Variants in DLG2 observed in about 807,000 individuals in gnomAD.
The protein encoded by DLG2 is discs large MAGUK scaffold protein 2, also known as disks large homolog 2.
DLG2 carries 45 observed loss-of-function variants against 132.5 expected under a neutral mutation model. The ratio of observed to expected loss-of-function variants is 0.34; its 90% CI spans 0.27 to 0.44. DLG2 has a LOEUF of 0.44. Ranked by LOEUF, DLG2 falls within the 20% of genes least tolerant of loss-of-function variation. DLG2 has a pLI of 1.00. For missense variants in DLG2, 1,045 were observed against 1,196.9 expected (o/e 0.87, Z 1.87); for synonymous variants, 424 against 419.6 (o/e 1.01, Z -0.13).
At chr11:85,393,560 C>T (rs953305467) in intron 3 of DLG2, among the ~76,000 whole-genome samples, 1 of 151,528 alleles carries the variant, frequency 6.6e-6, no homozygotes, top group Non-Finnish European at 1.5e-5. Context: ...AAAAATGGAC[C>T]AGCCCAAATG....
At chr11:84,392,327 C>G (rs954123627) in intron 7 of DLG2, among the ~76,000 whole-genome samples, 1 of 152,188 alleles carries the variant, frequency 6.6e-6, no homozygotes, top group South Asian at 2.1e-4. Flanking sequence ...TTGAATTAAA[C>G]TGATGATTGC....
chr11:83,703,742 A>G (rs963951392), intron 18 of DLG2, among the ~76,000 whole-genome samples: 2 of 152,226 alleles, frequency 1.3e-5, no homozygotes, highest in Admixed American at 6.5e-5. Context: ...TTTAGATGAG[A>G]GCTCTGAAAG....
chr11:85,355,663 T>C (rs568539675), intron 3 of DLG2, among the ~76,000 whole-genome samples: 17 of 152,202 alleles, frequency 1.1e-4, no homozygotes, highest in Non-Finnish European at 2.4e-4. Context: ...ACTAATTTTT[T>C]ATTTTTAATA....
chr11:85,534,304 TA>T (rs568430811), intron 3 of DLG2, among the ~76,000 whole-genome samples: 18 of 152,256 alleles, frequency 1.2e-4, no homozygotes, highest in Admixed American at 6.5e-5. Flanking sequence ...TTATATTAAC[TA>T]AAAAAAGGTC....
chr11:83,844,305 G>A (rs1300352191), intron 16 of DLG2, among the ~76,000 whole-genome samples: 1 of 150,406 alleles, frequency 6.6e-6, no homozygotes, highest in African/African-American at 2.4e-5. Context: ...AGTACTTTGG[G>A]AGGCCGAGGC....
intron 2 of DLG2, among the ~76,000 whole-genome samples, chr11:85,624,647 T>A (rs2081941820): frequency 6.6e-6 from 1 of 152,236 alleles, no homozygotes; most frequent in African/African-American, 2.4e-5. Context: ...ATAACTTGTT[T>A]GGCTAGTTGT....
intron 15 of DLG2, among the ~76,000 whole-genome samples, chr11:83,877,425 C>T (rs2065041549): frequency 6.6e-6 from 1 of 152,108 alleles, no homozygotes. Context: ...TAATAAGTAA[C>T]TGTAATTTCT....
intron 6 of DLG2, among the ~76,000 whole-genome samples, chr11:84,563,668 G>A (rs761318141): frequency 1.2e-4 from 18 of 152,192 alleles, no homozygotes; most frequent in East Asian, 1.9e-4. Flanking sequence ...ACACTCATGC[G>A]TAGCTGGCTT....
intron 6 of DLG2, among the ~76,000 whole-genome samples, chr11:84,585,328 G>C (rs1288524614): frequency 1.3e-5 from 2 of 152,130 alleles, no homozygotes; most frequent in Non-Finnish European, 2.9e-5. Flanking sequence ...TCTAGAACTG[G>C]TGAACTTACC....
At chr11:85,333,765 C>A (rs1807123096) in intron 3 of DLG2, among the ~76,000 whole-genome samples, 4 of 152,060 alleles carry the variant, frequency 2.6e-5, no homozygotes, top group African/African-American at 9.7e-5. Flanking sequence ...AGTTTGCATC[C>A]CAGGGATAAA....
intron 6 of DLG2, among the ~76,000 whole-genome samples, chr11:85,097,815 G>C (rs574886904): frequency 7.9e-5 from 12 of 152,276 alleles, no homozygotes; most frequent in Admixed American, 7.2e-4. Context: ...AAAGTCCCTA[G>C]ACCTGGGATT....
intron 7 of DLG2, among the ~76,000 whole-genome samples, chr11:84,278,586 T>G (rs1202548609): frequency 6.6e-6 from 1 of 152,064 alleles, no homozygotes; most frequent in Non-Finnish European, 1.5e-5. Flanking sequence ...CTTAAAAAAT[T>G]TTTTAGCAAA....
intron 3 of DLG2, among the ~76,000 whole-genome samples, chr11:85,540,947 T>C (rs2075925666): frequency 6.6e-6 from 1 of 152,242 alleles, no homozygotes; most frequent in Non-Finnish European, 1.5e-5. Context: ...AAAACAACTT[T>C]TGTTACCACC....
intron 6 of DLG2, among the ~76,000 whole-genome samples, chr11:85,042,810 C>G (rs1433853387): frequency 1.3e-5 from 2 of 151,766 alleles, no homozygotes; most frequent in Non-Finnish European, 2.9e-5. Flanking sequence ...AGCTCAAAGT[C>G]AATTAAAATT....
At chr11:85,391,721 T>G (rs1196457990) in intron 3 of DLG2, among the ~76,000 whole-genome samples, 1 of 152,020 alleles carries the variant, frequency 6.6e-6, no homozygotes, top group East Asian at 1.9e-4. Context: ...GAAAAAGCAT[T>G]TGACCAAATC....
intron 9 of DLG2, among the ~76,000 whole-genome samples, chr11:84,129,636 A>G (rs1420727561): frequency 6.6e-6 from 1 of 152,072 alleles, no homozygotes; most frequent in Non-Finnish European, 1.5e-5. Context: ...AACGTAAATT[A>G]TGCACCACTA....
chr11:85,598,622 C>A lies in DLG2; in HGVS notation c.40+35G>T, dbSNP rs766480478. On this transcript the variant is annotated intron_variant, in intron 3 of 27. Coordinates refer to ENST00000376104, the MANE Select transcript of DLG2 (RefSeq NM_001142699.3). ...TTCAAACTATCAAGCCCAATTCTGA[C>A]CATTAAAATGATGAATAACTTTCAT... The A allele has an allele frequency of 2.0e-6, 3 of 1,491,476 alleles. No homozygotes were observed. In the African/African-American group the frequency reaches 4.3e-5, roughly 22 times the overall value. 92.4% of individuals were successfully genotyped at this position (1,491,476 alleles called of 1,614,324 possible). A position where few individuals can be genotyped will look rare whatever the true frequency, so the allele number is the denominator to read the frequency against.
chr11:84,136,729 A>G (rs917474399), intron 9 of DLG2, among the ~76,000 whole-genome samples: 1 of 152,188 alleles, frequency 6.6e-6, no homozygotes, highest in African/African-American at 2.4e-5. Flanking sequence ...TGGTCAAGGC[A>G]AAGTCTCTGG....
intron 6 of DLG2, among the ~76,000 whole-genome samples, chr11:84,724,928 G>C (rs2062242463): frequency 6.6e-6 from 1 of 152,114 alleles, no homozygotes; most frequent in Admixed American, 6.6e-5. Context: ...AAGGAAAAAT[G>C]ATCAATGGCT....
Sources: allele counts gnomAD v4.1 joint callset (sites outside exome capture counted in the v4.1 genomes callset), GRCh38; gene constraint gnomAD v4.1.1; transcripts MANE v1.5; gene names NCBI Gene and HGNC (gene_info 2026-07-23, HGNC 2026-07-21).